LRRC74A: variants seen among roughly 807,000 people sequenced by gnomAD.
LRRC74A encodes leucine rich repeat containing 74A, also known as leucine-rich repeat-containing protein 74A.
LRRC74A carries 44 observed loss-of-function variants against 57.9 expected under a neutral mutation model. The observed-to-expected ratio is 0.76, with a 90% confidence interval of 0.60 to 0.98. The LOEUF (loss-of-function observed/expected upper bound fraction) is 0.98. LRRC74A is among the 50% of genes least tolerant of loss of function. The probability of loss-of-function intolerance (pLI) is 0.00; values close to 1 mark genes in which losing one functional copy is unlikely to be tolerated. For synonymous variants in LRRC74A, 211 were observed against 219.4 expected, an observed-to-expected ratio of 0.96 and a Z score of 0.34; for missense variants, 572 against 574.0, an observed-to-expected ratio of 1.00 and a Z score of 0.04.
At chr14:76,836,734 T>C (rs1305677516) in intron 4 of LRRC74A, among the ~76,000 whole-genome samples, 4 of 138,532 alleles carry the variant, frequency 2.9e-5, no homozygotes, top group African/African-American at 1.1e-4. Context: ...GAGATTGCAG[T>C]GAGCTGAGAT....
At chr14:76,835,982 C>A (rs117205336) in intron 3 of LRRC74A, among the ~76,000 whole-genome samples, 1 of 152,184 alleles carries the variant, frequency 6.6e-6, no homozygotes, top group African/African-American at 2.4e-5. Context: ...GTTTTAATTG[C>A]TTTCAGGATC....
intron 3 of LRRC74A, among the ~76,000 whole-genome samples, chr14:76,831,856 G>C (rs191403344): frequency 6.6e-6 from 1 of 152,210 alleles, no homozygotes; most frequent in Non-Finnish European, 1.5e-5. Context: ...TTTTCCCACA[G>C]AAATAGTGTT....
In LRRC74A at chr14:76,860,711, C is replaced by T; in HGVS notation, c.1072C>T (p.Gln358Ter). The T allele has an allele frequency of 1.2e-6, 2 of 1,610,938 alleles. No homozygotes were observed. Among genetic ancestry groups the T allele is most frequent in the Non-Finnish European group, 8.5e-7 (1 of 1,178,202 alleles). The change falls in exon 11 of 14, where the codon CAG (glutamine) becomes TAG (stop). Residue 358 changes from glutamine to a stop codon, truncating the protein, a stop_gained. Transcript: ENST00000689127. LOFTEE classifies it high-confidence loss of function. Reference protein sequence around the residue: ...LDISNVLVSEQFMKTLDGVYA... With the variant: ...LDISNVLVSE ...GTCACAGAACGTGCTGGTGTCCGAG[C>T]AGTTCATGAAAACGTTGGACGGAGT...
chr14:76,844,742 C>A, intron 6 of LRRC74A, 78 bp from the exon 7 acceptor site: 1 of 830,876 alleles, frequency 1.2e-6, no homozygotes, highest in Non-Finnish European at 2.0e-6. Context: ...GCCCCACCAT[C>A]ATACTGCCCT....
intron 7 of LRRC74A, among the ~76,000 whole-genome samples, chr14:76,846,725 G>A (rs1897136829): frequency 6.6e-6 from 1 of 152,178 alleles, no homozygotes; most frequent in African/African-American, 2.4e-5. Flanking sequence ...GCTATTGGTT[G>A]GATGATGGTG....
chr14:76,828,629 C>T lies in LRRC74A; in HGVS notation c.166+210C>T, dbSNP rs754990471. 1.8e-5 allele frequency: 13 copies of T among 715,862 alleles called. 1 individual carries two copies. The Middle Eastern group carries it at 9.2e-4, about 51-fold the overall frequency. 44.3% of individuals were successfully genotyped at this position (715,862 alleles called of 1,614,324 possible). On this transcript the variant is annotated intron_variant, in intron 2 of 13. Coordinates refer to ENST00000689127, the MANE Select transcript of LRRC74A (RefSeq NM_001385106.1). ...CAGCTGCAGCTTCCCACGCTTGTCA[C>T]CTGCCTCAGGAGCAGTGCCCTCACG...
intron 9 of LRRC74A, among the ~76,000 whole-genome samples, chr14:76,856,939 G>C (rs1189956096): frequency 1.4e-5 from 2 of 141,688 alleles, no homozygotes; most frequent in African/African-American, 2.7e-5. Flanking sequence ...GCATGGAGGG[G>C]AGAGCAGTGA....
At chr14:76,843,139 GGGTGT>G (rs1342287243) in intron 5 of LRRC74A, among the ~76,000 whole-genome samples, 2 of 151,950 alleles carry the variant, frequency 1.3e-5, no homozygotes, top group African/African-American at 4.8e-5. Flanking sequence ...AAAATTAGCT[GGGTGT>G]GGTGGTGCAC....
At chr14:76,833,283 A>T (rs1896093261) in intron 3 of LRRC74A, among the ~76,000 whole-genome samples, 1 of 152,160 alleles carries the variant, frequency 6.6e-6, no homozygotes, top group African/African-American at 2.4e-5. Context: ...GCAAGCTCCA[A>T]AAAGTCTTGA....
intron 9 of LRRC74A, among the ~76,000 whole-genome samples, chr14:76,855,864 A>G (rs1319208303): frequency 6.6e-6 from 1 of 152,248 alleles, no homozygotes; most frequent in East Asian, 1.9e-4. Context: ...CATACCAGGC[A>G]CTTGTTTTAA....
rs533602380 is a variant in LRRC74A, at chr14:76,849,757, C to T, written c.677-2608C>T. 6.1e-5 allele frequency among the ~76,000 whole-genome samples: 9 copies of T among 146,740 alleles called. No homozygotes were observed. In the East Asian group the frequency reaches 1.5e-3, roughly 24 times the overall value. ...GGCAGAGGTTGCAGTGAGCAGACAT[C>T]GTGCCACTGCACTCCAGCCTGGGCA... On this transcript the variant is annotated intron_variant, in intron 7 of 13. Transcript: ENST00000689127.
intron 3 of LRRC74A, among the ~76,000 whole-genome samples, chr14:76,833,463 A>G (rs1182802411): frequency 1.5e-5 from 2 of 131,154 alleles, no homozygotes; most frequent in African/African-American, 5.8e-5. Context: ...TTTTTTTGAG[A>G]CAGAGTCTCA....
At chr14:76,856,125 C>T (rs1332939395) in intron 9 of LRRC74A, among the ~76,000 whole-genome samples, 1 of 152,224 alleles carries the variant, frequency 6.6e-6, no homozygotes, top group Non-Finnish European at 1.5e-5. Flanking sequence ...ATTCTCTCTG[C>T]TTCTGCTCAC....
At chr14:76,855,365 G>A (rs999290466) in intron 9 of LRRC74A, among the ~76,000 whole-genome samples, 5 of 152,332 alleles carry the variant, frequency 3.3e-5, no homozygotes, top group African/African-American at 1.2e-4. Flanking sequence ...AGATTAAGCA[G>A]TTGCCTCAGC....
chr14:76,858,117 A>G (rs1342328359), intron 10 of LRRC74A, among the ~76,000 whole-genome samples: 1 of 152,226 alleles, frequency 6.6e-6, no homozygotes, highest in African/African-American at 2.4e-5. Flanking sequence ...GAAGGTAGGT[A>G]GAATACTGTA....
At chr14:76,853,630 C>T (rs923203642) in intron 9 of LRRC74A, among the ~76,000 whole-genome samples, 2 of 152,168 alleles carry the variant, frequency 1.3e-5, no homozygotes, top group Non-Finnish European at 2.9e-5. Flanking sequence ...TGGTACACTG[C>T]AGATCTTTCT....
intron 12 of LRRC74A, 27 bp downstream of exon 12, chr14:76,866,102 C>G (rs72721328): frequency 6.9e-7 from 1 of 1,444,624 alleles, no homozygotes; most frequent in Admixed American, 1.9e-5. Flanking sequence ...TGGCAACAGG[C>G]TGTGTGTGAG....
chr14:76,834,854 C>T (rs746273480), intron 3 of LRRC74A, among the ~76,000 whole-genome samples: 2 of 152,206 alleles, frequency 1.3e-5, no homozygotes, highest in Non-Finnish European at 2.9e-5. Flanking sequence ...TTGAGCACAA[C>T]TCAAGGCAAT....
chr14:76,831,806 C>T (rs985552457), intron 3 of LRRC74A, among the ~76,000 whole-genome samples: 3 of 152,120 alleles, frequency 2.0e-5, no homozygotes, highest in African/African-American at 7.2e-5. Context: ...CCTTGTGCAA[C>T]ATTATATTTC....
Sources: allele counts gnomAD v4.1 joint callset (sites outside exome capture counted in the v4.1 genomes callset), GRCh38; gene constraint gnomAD v4.1.1; transcripts MANE v1.5; gene names NCBI Gene and HGNC (gene_info 2026-07-23, HGNC 2026-07-21).